Variants in PACRG observed in about 807,000 individuals in gnomAD.
The protein encoded by PACRG is parkin coregulated gene protein.
PACRG carries 29 observed loss-of-function variants against 29.7 expected under a neutral mutation model. The observed-to-expected ratio is 0.98, with a 90% CI of 0.73 to 1.33. The LOEUF (loss-of-function observed/expected upper bound fraction) is 1.33. Ranked by LOEUF, PACRG falls within the 40% of genes most tolerant of loss-of-function variation. The pLI, the probability that PACRG is intolerant of heterozygous loss-of-function variation, is 0.00. For missense variants in PACRG, 279 were observed against 316.2 expected (o/e 0.88, Z 0.89); for synonymous variants, 116 against 118.7 (o/e 0.98, Z 0.15).
At chr6:162,936,721 A>G (rs1201613423) in intron 2 of PACRG, among the ~76,000 whole-genome samples, 2 of 152,068 alleles carry the variant, frequency 1.3e-5, no homozygotes, top group African/African-American at 4.8e-5. Flanking sequence ...TTGTTAATAG[A>G]CTGCTTTAAC....
chr6:163,133,332 C>T (rs1816807805), intron 4 of PACRG, among the ~76,000 whole-genome samples: 1 of 152,158 alleles, frequency 6.6e-6, no homozygotes, highest in Admixed American at 6.5e-5. Context: ...ATAAGTGGAA[C>T]TGAATTTTAA....
intron 1 of PACRG, among the ~76,000 whole-genome samples, chr6:162,811,329 A>G (rs1053622173): frequency 4.6e-5 from 7 of 152,218 alleles, no homozygotes; most frequent in Non-Finnish European, 1.5e-5. Flanking sequence ...TCCAGACATC[A>G]GAAGGATAAT....
intron 4 of PACRG, among the ~76,000 whole-genome samples, chr6:163,187,032 C>A (rs1779972140): frequency 6.6e-6 from 1 of 152,198 alleles, no homozygotes; most frequent in Non-Finnish European, 1.5e-5. Context: ...AGGGAGACAC[C>A]CCCCGTCCTC....
rs77886690 is a variant in PACRG at position 163,220,301 on chromosome 6, T to C, written c.614-94526T>C. Among the ~76,000 whole-genome samples, 66 of 152,314 alleles carry C rather than the reference T, an allele frequency of 4.3e-4. No individual in the cohort carries two copies. The East Asian group carries it at 0.011, about 26-fold the overall frequency. On this transcript the variant is annotated intron_variant, in intron 4 of 4. Coordinates refer to ENST00000366888, the MANE Select transcript of PACRG (RefSeq NM_001080379.2). ...AAAGCCTCGTCTGTGAGTTTTTCCA[T>C]ACATTGTCTAATTTATCCAGGGGTG... is the stretch of plus-strand genomic sequence containing the variant.
chr6:163,189,010 G>A (rs1171097991), intron 4 of PACRG, among the ~76,000 whole-genome samples: 1 of 152,180 alleles, frequency 6.6e-6, no homozygotes, highest in Non-Finnish European at 1.5e-5. Flanking sequence ...GAGCCCATAC[G>A]TTTGTGGCCT....
intron 2 of PACRG, among the ~76,000 whole-genome samples, chr6:163,021,390 C>T (rs1237811676): frequency 6.6e-6 from 1 of 152,134 alleles, no homozygotes; most frequent in Non-Finnish European, 1.5e-5. Context: ...TGTTTAAATC[C>T]TTTATTTCAA....
intron 1 of PACRG, among the ~76,000 whole-genome samples, chr6:162,772,316 A>C (rs942410919): frequency 6.6e-6 from 1 of 152,204 alleles, no homozygotes; most frequent in Admixed American, 6.5e-5. Flanking sequence ...TAAAGCTTCC[A>C]GGGGTGTAAC....
intron 4 of PACRG, among the ~76,000 whole-genome samples, chr6:163,102,219 T>A (rs1308007251): frequency 6.6e-6 from 1 of 152,212 alleles, no homozygotes; most frequent in East Asian, 1.9e-4. Flanking sequence ...TAACCATATA[T>A]CCTTACCTTC....
intron 2 of PACRG, among the ~76,000 whole-genome samples, chr6:162,917,847 G>C (rs1311508407): frequency 6.6e-6 from 1 of 152,074 alleles, no homozygotes; most frequent in Admixed American, 6.6e-5. Context: ...TGAAAAATAA[G>C]GAAAAACTGA....
At chr6:163,043,756 T>C (rs1809008974) in intron 2 of PACRG, among the ~76,000 whole-genome samples, 1 of 152,168 alleles carries the variant, frequency 6.6e-6, no homozygotes, top group Non-Finnish European at 1.5e-5. Flanking sequence ...GTTTTGGCTA[T>C]AGGTTTCCAG....
At chr6:162,830,623 G>A (rs183937314) in intron 2 of PACRG, among the ~76,000 whole-genome samples, 5 of 152,372 alleles carry the variant, frequency 3.3e-5, no homozygotes, top group African/African-American at 1.2e-4. Flanking sequence ...TGTGGCTCTC[G>A]CTACCATCCA....
intron 1 of PACRG, among the ~76,000 whole-genome samples, chr6:162,750,488 T>C (rs779658509): frequency 2.0e-5 from 3 of 152,230 alleles, no homozygotes; most frequent in Non-Finnish European, 4.4e-5. Context: ...TTGACCTGAC[T>C]GCAGGATGAT....
intron 4 of PACRG, among the ~76,000 whole-genome samples, chr6:163,225,456 T>C (rs1353222406): frequency 6.6e-6 from 1 of 152,224 alleles, no homozygotes; most frequent in East Asian, 1.9e-4. Context: ...GCCATGACTG[T>C]AAGTTTCCTG....
chr6:163,010,903 G>A (rs572089758), intron 2 of PACRG, among the ~76,000 whole-genome samples: 1 of 152,326 alleles, frequency 6.6e-6, no homozygotes, highest in African/African-American at 2.4e-5. Flanking sequence ...TTACTCAGTG[G>A]GGCAGGCACT....
At chr6:163,188,900 T>C (rs559238181) in intron 4 of PACRG, among the ~76,000 whole-genome samples, 5 of 152,208 alleles carry the variant, frequency 3.3e-5, no homozygotes, top group Non-Finnish European at 5.9e-5. Context: ...TTGCAGACAT[T>C]GACTAAGAAC....
At chr6:163,231,264 T>C (rs925860535) in intron 4 of PACRG, among the ~76,000 whole-genome samples, 1 of 152,230 alleles carries the variant, frequency 6.6e-6, no homozygotes, top group Non-Finnish European at 1.5e-5. Context: ...TCATCCACTG[T>C]CTTTTCTTAT....
chr6:163,008,386 C>T (rs899702156), intron 2 of PACRG, among the ~76,000 whole-genome samples: 2 of 151,960 alleles, frequency 1.3e-5, no homozygotes, highest in East Asian at 1.9e-4. Context: ...AATTTGTAAA[C>T]GAGGCACACA....
chr6:162,900,168 C>T (rs1584703434), intron 2 of PACRG, among the ~76,000 whole-genome samples: 1 of 152,000 alleles, frequency 6.6e-6, no homozygotes, highest in East Asian at 1.9e-4. Flanking sequence ...CGCTGGTATC[C>T]AGGGAGGATC....
intron 4 of PACRG, among the ~76,000 whole-genome samples, chr6:163,229,604 C>T (rs933330149): frequency 6.6e-6 from 1 of 152,242 alleles, no homozygotes; most frequent in African/African-American, 2.4e-5. Flanking sequence ...TAGTCAAGCA[C>T]CATCGTTCCC....
Sources: allele counts gnomAD v4.1 joint callset (sites outside exome capture counted in the v4.1 genomes callset), GRCh38; gene constraint gnomAD v4.1.1; transcripts MANE v1.5; gene names NCBI Gene and HGNC (gene_info 2026-07-23, HGNC 2026-07-21).